Variants in CHRDL1 observed in about 807,000 individuals in gnomAD.
The protein encoded by CHRDL1 is chordin like 1, also known as chordin-like protein 1.
A neutral mutation model predicts 40.9 loss-of-function variants in CHRDL1; 19 were observed. The ratio of observed to expected loss-of-function variants is 0.46; its 90% CI spans 0.32 to 0.68. The LOEUF is 0.68. CHRDL1 is among the 30% of genes least tolerant of loss of function. The pLI is 0.03. For missense variants in CHRDL1, 329 were observed against 352.1 expected (o/e 0.93, Z 0.53); for synonymous variants, 136 against 123.4 (o/e 1.10, Z -0.68).
rs988207758 is a variant in CHRDL1 at position 110,759,654 on chromosome X, G to T, written c.301+7C>A. ...CAGCTAGGAAAGAAAGAGACAAATT[G>T]CTTTACCTGGGCAGCGAGGGCAGCA... On this transcript the variant is annotated splice_region_variant and intron_variant, in intron 4 of 11. Transcript: ENST00000372042. 6 of 1,152,520 alleles carry T rather than the reference G, an allele frequency of 5.2e-6. No individual in the cohort carries two copies. The highest frequency in any genetic ancestry group is 7.1e-6 in the Non-Finnish European group (6 of 842,831). The allele number at this position is 1,152,520 out of a possible 1,213,427, so 95.0% of individuals were successfully genotyped here. A position where few individuals can be genotyped will look rare whatever the true frequency, so the allele number is the denominator to read the frequency against.
At chrX:110,778,685 A>G (rs1181269157) in intron 2 of CHRDL1, among the ~76,000 whole-genome samples, 1 of 112,098 alleles carries the variant, frequency 8.9e-6, no homozygotes, top group African/African-American at 3.2e-5. Flanking sequence ...TGTGGAAAGC[A>G]GTGTGGTGAT....
At position 110,700,668 on chromosome X, in the gene CHRDL1, C is replaced by T; in HGVS notation, c.595G>A (p.Ala199Thr). The T allele has an allele frequency of 8.4e-7, 1 of 1,184,071 alleles. No homozygotes were observed. Among genetic ancestry groups the T allele is most frequent in the Non-Finnish European group, 1.1e-6 (1 of 870,442 alleles). ...HSDGDIFRQP[A>T]NREARHSYHR... The stretch of plus-strand genomic sequence containing the variant: ...TTCACACTTACTGCTTCTCTGTTGG[C>T]AGGTTGCCGGAAGATATCACCATCA... Residue 199 changes from alanine to threonine, a missense_variant, in exon 7 of 12, where the codon GCC becomes ACC. Coordinates refer to ENST00000372042, the MANE Select transcript of CHRDL1 (RefSeq NM_001143981.2).
At chrX:110,747,409 AACACACACAC>A (rs113917102) in intron 4 of CHRDL1, among the ~76,000 whole-genome samples, 2 of 91,238 alleles carry the variant, frequency 2.2e-5, no homozygotes, top group Non-Finnish European at 4.2e-5. Context: ...ATCAAAACAA[AACACACACAC>A]ACACACACAC....
intron 3 of CHRDL1, among the ~76,000 whole-genome samples, chrX:110,760,805 AT>A (rs757731172): frequency 3.6e-5 from 4 of 110,996 alleles, no homozygotes; most frequent in Non-Finnish European, 5.7e-5. Context: ...TTCTAGAATA[AT>A]TTTTTTTGGA....
intron 4 of CHRDL1, among the ~76,000 whole-genome samples, chrX:110,744,412 T>G (rs755391117): frequency 7.2e-5 from 8 of 111,461 alleles, no homozygotes; most frequent in Non-Finnish European, 1.3e-4. Context: ...CCTCCCAAGT[T>G]AATTCCTTTC....
At chrX:110,749,864 G>A (rs1297599395) in intron 4 of CHRDL1, among the ~76,000 whole-genome samples, 1 of 112,249 alleles carries the variant, frequency 8.9e-6, no homozygotes, top group Non-Finnish European at 1.9e-5. Context: ...GCAACAGATA[G>A]CAAGGATATC....
intron 4 of CHRDL1, among the ~76,000 whole-genome samples, chrX:110,758,003 A>G (rs1402493675): frequency 1.8e-5 from 2 of 109,406 alleles, no homozygotes; most frequent in African/African-American, 6.7e-5. Flanking sequence ...AGAAGTTTAG[A>G]TAAGTTCCTA....
intron 4 of CHRDL1, among the ~76,000 whole-genome samples, chrX:110,738,866 C>T (rs941776613): frequency 1.8e-5 from 2 of 111,550 alleles, no homozygotes; most frequent in African/African-American, 3.3e-5. Context: ...TTATGTAGTT[C>T]CAATTTTAAT....
rs531573359 is a variant in CHRDL1, at chrX:110,777,951, T to C, written c.94+14137A>G. On this transcript the variant is annotated intron_variant, in intron 2 of 11. Coordinates refer to ENST00000372042, the MANE Select transcript of CHRDL1 (RefSeq NM_001143981.2). ...AACAGAATAAGAAGCCCAGAAATAA[T>C]GTCACAGACCATTTGATCTTCGACA... Among the ~76,000 whole-genome samples the C allele has an allele frequency of 1.3e-4, 14 of 111,128 alleles. No homozygotes were observed. In the South Asian group the frequency reaches 4.9e-3, roughly 39 times the overall value.
intron 4 of CHRDL1, among the ~76,000 whole-genome samples, chrX:110,751,634 G>C (rs768097709): frequency 1.8e-3 from 206 of 112,250 alleles, no homozygotes; most frequent in African/African-American, 6.6e-3. Flanking sequence ...AGATTCTAGT[G>C]AGGATGTGGA....
intron 9 of CHRDL1, among the ~76,000 whole-genome samples, chrX:110,686,891 C>CAA (rs754055781): frequency 0.14 from 11,822 of 84,168 alleles, 1,357 homozygotes; most frequent in Non-Finnish European, 0.21. Flanking sequence ...CTCAAAAAAA[C>CAA]AAAAAATAAA....
intron 4 of CHRDL1, among the ~76,000 whole-genome samples, chrX:110,724,918 T>C (rs1453810785): frequency 8.9e-6 from 1 of 111,848 alleles, no homozygotes; most frequent in Non-Finnish European, 1.9e-5. Context: ...TTTTCCAAGG[T>C]GGCTGGGCTA....
chrX:110,755,172 A>G (rs1373635684), intron 4 of CHRDL1, among the ~76,000 whole-genome samples: 2 of 111,180 alleles, frequency 1.8e-5, no homozygotes, highest in South Asian at 3.8e-4. Flanking sequence ...CATGAGTCCT[A>G]TGCAGTCTTG....
chrX:110,725,166 A>C (rs1020534570), intron 4 of CHRDL1, among the ~76,000 whole-genome samples: 2 of 111,997 alleles, frequency 1.8e-5, no homozygotes, highest in Admixed American at 1.9e-4. Context: ...AAGTCATGTG[A>C]CCACAGATGT....
Position 110,748,804 on chromosome X carries a change from A to T in CHRDL1, c.301+10857T>A, listed in dbSNP as rs763870885. On this transcript the variant is annotated intron_variant, in intron 4 of 11. Transcript: ENST00000372042. ...GAGTAGTCAAATTCATAGAGACAGG[A>T]AGTAGAAAGTGAGGAGTTAGTGTTT... Among the ~76,000 whole-genome samples, 6 of 112,371 alleles carry T rather than the reference A, an allele frequency of 5.3e-5. No individual in the cohort carries two copies. In the South Asian group the frequency reaches 2.2e-3, roughly 41 times the overall value.
intron 11 of CHRDL1, among the ~76,000 whole-genome samples, chrX:110,677,597 C>A (rs1231670053): frequency 1.8e-5 from 2 of 111,365 alleles, no homozygotes; most frequent in East Asian, 5.7e-4. Context: ...TTCAGAAGTC[C>A]CATAATTGAT....
chrX:110,777,266 G>A (rs1181886303), intron 2 of CHRDL1, among the ~76,000 whole-genome samples: 1 of 111,749 alleles, frequency 8.9e-6, no homozygotes, highest in Non-Finnish European at 1.9e-5. Flanking sequence ...CATCTTGGCT[G>A]CTTCCAAGTT....
chrX:110,792,084 T>A lies in CHRDL1; in HGVS notation c.94+4A>T. ...GTATTATTTTCCAAATGCAAGACAC[T>A]TACGTTTTACTTGCTCTGTTTTGCC... On this transcript the variant is annotated splice_donor_region_variant and intron_variant, in intron 2 of 11. Coordinates refer to ENST00000372042, the MANE Select transcript of CHRDL1 (RefSeq NM_001143981.2). The A allele has an allele frequency of 1.8e-6, 2 of 1,109,197 alleles. No homozygotes were observed. Among genetic ancestry groups the A allele is most frequent in the Non-Finnish European group, 2.5e-6 (2 of 809,870 alleles). The allele number at this position is 1,109,197 out of a possible 1,213,427, so 91.4% of individuals were successfully genotyped here.
Position 110,679,313 on chromosome X carries a change from C to A in CHRDL1, c.1246+23G>T, listed in dbSNP as rs2069845392. On this transcript the variant is annotated intron_variant, in intron 11 of 11. Coordinates refer to ENST00000372042, the MANE Select transcript of CHRDL1 (RefSeq NM_001143981.2). ...AAAACTGAATGTGTTTTTCAGGGAGCAGTCAAGAGAAGTACTACTTACTCA... is the reference window on the plus strand; with the variant it reads ...AAAACTGAATGTGTTTTTCAGGGAGAAGTCAAGAGAAGTACTACTTACTCA... 3 of 1,060,062 alleles carry A rather than the reference C, an allele frequency of 2.8e-6. No individual in the cohort carries two copies. The South Asian group carries it at 5.6e-5, about 20-fold the overall frequency. 87.4% of individuals were successfully genotyped at this position (1,060,062 alleles called of 1,213,427 possible). A position where few individuals can be genotyped will look rare whatever the true frequency, so the allele number is the denominator to read the frequency against.
Sources: allele counts gnomAD v4.1 joint callset (sites outside exome capture counted in the v4.1 genomes callset), GRCh38; gene constraint gnomAD v4.1.1; transcripts MANE v1.5; gene names NCBI Gene and HGNC (gene_info 2026-07-23, HGNC 2026-07-21).